The following ARRB1 variants were observed in gnomAD, a reference collection of about 807,000 sequenced individuals.
The protein encoded by ARRB1 is beta-arrestin-1.
ARRB1 carries 21 observed loss-of-function variants against 56.8 expected under a neutral mutation model. That is an observed-to-expected ratio of 0.37 (90% CI 0.26 to 0.53). ARRB1 has a LOEUF of 0.53. Ranked by LOEUF, ARRB1 falls within the 20% of genes least tolerant of loss-of-function variation. ARRB1 has a pLI of 0.88. For synonymous variants in ARRB1, 210 were observed against 218.6 expected (o/e 0.96, Z 0.35); for missense variants, 424 against 553.7 (o/e 0.77, Z 2.35).
chr11:75,269,297 G>C, intron 13 of ARRB1: 5 of 465,168 alleles, frequency 1.1e-5, no homozygotes, highest in South Asian at 8.6e-5. Context: ...GGTGCCCTGG[G>C]ACCCCCCCCC....
chr11:75,346,426 C>G (rs565695018), intron 1 of ARRB1, among the ~76,000 whole-genome samples: 1 of 152,224 alleles, frequency 6.6e-6, no homozygotes, highest in East Asian at 1.9e-4. Context: ...CCCCTAGGTT[C>G]CCATACCCAG....
chr11:75,347,523 G>A (rs903112466), intron 1 of ARRB1, among the ~76,000 whole-genome samples: 2 of 152,214 alleles, frequency 1.3e-5, no homozygotes, highest in East Asian at 3.8e-4. Flanking sequence ...TGTTGAGTAA[G>A]TGGAAACGGC....
At chr11:75,326,660 A>C (rs766627564) in intron 1 of ARRB1, among the ~76,000 whole-genome samples, 3 of 151,212 alleles carry the variant, frequency 2.0e-5, no homozygotes, top group Admixed American at 2.0e-4. Flanking sequence ...GTCTCACCCT[A>C]ACGCCCATGT....
chr11:75,330,315 T>C (rs938994877), intron 1 of ARRB1, among the ~76,000 whole-genome samples: 3 of 152,108 alleles, frequency 2.0e-5, no homozygotes, highest in African/African-American at 7.2e-5. Flanking sequence ...TCTCAAGGGC[T>C]AAGGAGGAGT....
intron 1 of ARRB1, among the ~76,000 whole-genome samples, chr11:75,331,046 C>T (rs897932845): frequency 7.2e-5 from 11 of 152,334 alleles, no homozygotes; most frequent in South Asian, 2.1e-4. Context: ...TTTTTTGAGG[C>T]GGAGTCTCGC....
intron 1 of ARRB1, among the ~76,000 whole-genome samples, chr11:75,343,214 TGA>T (rs927609259): frequency 1.6e-4 from 25 of 151,970 alleles, no homozygotes; most frequent in African/African-American, 5.3e-4. Flanking sequence ...GGATGAGTGC[TGA>T]GAGAGAGAGA....
At chr11:75,325,096 T>A (rs1947410231) in intron 1 of ARRB1, among the ~76,000 whole-genome samples, 1 of 152,128 alleles carries the variant, frequency 6.6e-6, no homozygotes, top group African/African-American at 2.4e-5. Context: ...AAGGACTACA[T>A]GGTGCAGGGG....
Position 75,306,665 on chromosome 11 carries a change from C to A in ARRB1, c.21-16626G>T, listed in dbSNP as rs1947039326. On this transcript the variant is annotated intron_variant, in intron 1 of 15. Transcript: ENST00000420843. ...GGGAGCCTGAGCTGGGGGCTGCAGG[C>A]AGCAGCAGCCAGGCCAGGGCCAGCC... 3 of 1,286,750 alleles carry A rather than the reference C, an allele frequency of 2.3e-6. No homozygotes were observed. In the South Asian group the frequency reaches 3.7e-5, roughly 16 times the overall value. The allele number at this position is 1,286,750 out of a possible 1,614,324, so 79.7% of individuals were successfully genotyped here.
At chr11:75,332,695 G>C (rs1473321309) in intron 1 of ARRB1, among the ~76,000 whole-genome samples, 1 of 152,156 alleles carries the variant, frequency 6.6e-6, no homozygotes, top group African/African-American at 2.4e-5. Context: ...AGGAGTTCGA[G>C]ACCAGCCTGG....
intron 10 of ARRB1, among the ~76,000 whole-genome samples, chr11:75,275,121 A>ATTTTATTTT (rs1565107703): frequency 4.7e-4 from 16 of 33,804 alleles, no homozygotes; most frequent in African/African-American, 1.1e-3. Flanking sequence ...AATTTAATTT[A>ATTTTATTTT]AATTTATTTT....
rs549549294 is a variant in ARRB1 at position 75,318,411 on chromosome 11, T to C, written c.21-28372A>G. ...TGGGCTCAAAAGATCTCCCCATGGC[T>C]GGGCACGGTGGCTCATGCCGATAAT... On this transcript the variant is annotated intron_variant, in intron 1 of 15. Transcript: ENST00000420843. 3.9e-5 allele frequency among the ~76,000 whole-genome samples: 6 copies of C among 152,204 alleles called. No homozygotes were observed. In the East Asian group the frequency reaches 1.2e-3, roughly 29 times the overall value.
intron 1 of ARRB1, among the ~76,000 whole-genome samples, chr11:75,347,681 C>A (rs1947793052): frequency 6.6e-6 from 1 of 152,100 alleles, no homozygotes; most frequent in Non-Finnish European, 1.5e-5. Flanking sequence ...TGCTTGCTGG[C>A]TGAATGGCAG....
At chr11:75,278,957 C>T (rs1333906986) in intron 7 of ARRB1, among the ~76,000 whole-genome samples, 2 of 152,234 alleles carry the variant, frequency 1.3e-5, no homozygotes, top group African/African-American at 2.4e-5. Context: ...CCTGTGGCTG[C>T]ACTTCATTTG....
chr11:75,266,049 CT>C lies in ARRB1; in HGVS notation c.*113del. ...GTGATCTGGAAGCCCACGGGGCCCC[CT>C]GGTAGAAACTGGAAGAACAAAGGGG... is the stretch of plus-strand genomic sequence containing the variant. On this transcript the variant is annotated 3_prime_UTR_variant, in exon 16 of 16. Coordinates refer to ENST00000420843, the MANE Select transcript of ARRB1 (RefSeq NM_004041.5). 5.3e-6 allele frequency: 5 copies of C among 948,094 alleles called. No individual in the cohort carries two copies. Among genetic ancestry groups the C allele is most frequent in the South Asian group, 1.5e-5 (1 of 66,538 alleles). The allele number at this position is 948,094 out of a possible 1,614,324, so 58.7% of individuals were successfully genotyped here. A position where few individuals can be genotyped will look rare whatever the true frequency, so the allele number is the denominator to read the frequency against.
chr11:75,276,320 G>T (rs867950399), intron 10 of ARRB1, among the ~76,000 whole-genome samples: 2 of 152,078 alleles, frequency 1.3e-5, no homozygotes, highest in Non-Finnish European at 2.9e-5. Flanking sequence ...AACAAGCCTG[G>T]GACAAAGTTC....
intron 12 of ARRB1, among the ~76,000 whole-genome samples, chr11:75,272,438 A>C (rs1044093239): frequency 1.3e-5 from 2 of 152,224 alleles, no homozygotes; most frequent in Non-Finnish European, 2.9e-5. Flanking sequence ...TAAAATGGGA[A>C]AGCTGACTAG....
intron 1 of ARRB1, among the ~76,000 whole-genome samples, chr11:75,302,965 AATTTATG>A (rs1946940082): frequency 6.6e-6 from 1 of 150,578 alleles, no homozygotes; most frequent in Admixed American, 6.6e-5. Flanking sequence ...TAGAAAACAC[AATTTATG>A]ATGTTTTTCC....
At position 75,314,370 on chromosome 11, in the gene ARRB1, G is replaced by A. The variant is rs1947225026; in HGVS notation, c.21-24331C>T. Among the ~76,000 whole-genome samples, 3 of 151,510 alleles carry A rather than the reference G, an allele frequency of 2.0e-5. No individual in the cohort carries two copies. The South Asian group carries it at 6.2e-4, about 31-fold the overall frequency. On this transcript the variant is annotated intron_variant, in intron 1 of 15. Coordinates refer to ENST00000420843, the MANE Select transcript of ARRB1 (RefSeq NM_004041.5). ...AGGGCATGGTGGCACAGCTCCCAGGGATGCCCCCCCTCCAGCAGAAATGCA... is the reference window on the plus strand; with the variant it reads ...AGGGCATGGTGGCACAGCTCCCAGGAATGCCCCCCCTCCAGCAGAAATGCA...
At chr11:75,267,854 T>A (rs1945965170) in intron 14 of ARRB1, 151 bp from the exon 15 acceptor site, 1 of 697,190 alleles carries the variant, frequency 1.4e-6, no homozygotes, top group Admixed American at 2.2e-5. Context: ...GACTCATTCC[T>A]GGTACTGAAA....
Sources: allele counts gnomAD v4.1 joint callset (sites outside exome capture counted in the v4.1 genomes callset), GRCh38; gene constraint gnomAD v4.1.1; transcripts MANE v1.5; gene names NCBI Gene and HGNC (gene_info 2026-07-23, HGNC 2026-07-21).